CCDC14: variants seen among roughly 807,000 people sequenced by gnomAD.
CCDC14 encodes the protein coiled-coil domain containing 14.
In CCDC14, 71 loss-of-function variants were observed where a neutral mutation model predicts 81.4. The observed-to-expected ratio is 0.87, with a 90% CI of 0.72 to 1.06. CCDC14 has a LOEUF of 1.06. Ranked by LOEUF, CCDC14 falls within the 50% of genes least tolerant of loss-of-function variation. The pLI, the probability that CCDC14 is intolerant of heterozygous loss-of-function variation, is 0.00. For missense variants in CCDC14, 1,046 were observed against 1,047.3 expected (o/e 1.00, Z 0.02); for synonymous variants, 332 against 364.8 (o/e 0.91, Z 1.03).
At chr3:123,956,229 A>G (rs1156270707) in intron 3 of CCDC14, 114 bp from the exon 4 acceptor site, 1 of 1,278,562 alleles carries the variant, frequency 7.8e-7, no homozygotes, top group Non-Finnish European at 1.1e-6. Context: ...TTGGTAGAAA[A>G]GATGTTTTAA....
chr3:123,933,160 C>T lies in CCDC14; in HGVS notation c.1426+513G>A, dbSNP rs1042898687. Among the ~76,000 whole-genome samples, 5 of 151,836 alleles carry T rather than the reference C, an allele frequency of 3.3e-5. No individual in the cohort carries two copies. In the East Asian group the frequency reaches 9.6e-4, roughly 29 times the overall value. ...TGACATATATGCACAAAGACATATA[C>T]AAAGATTTTCACTGCAATGTTGTTT... is the stretch of plus-strand genomic sequence containing the variant. On this transcript the variant is annotated intron_variant, in intron 10 of 12. Transcript: ENST00000409697.
chr3:123,915,818 G>T, intron 12 of CCDC14, 100 bp from the exon 13 acceptor site: 1 of 898,268 alleles, frequency 1.1e-6, no homozygotes, highest in Non-Finnish European at 1.6e-6. Flanking sequence ...TGAGAGAAGT[G>T]TCTGGTTCTT....
rs918429593 is a variant in CCDC14 at position 123,913,757 on chromosome 3, C to A, written c.*1022G>T. ...AACACTCTTTAATGATAAAGCCTGT[C>A]CAAGTACTAAGGACAATTAGAGTAG... On this transcript the variant is annotated 3_prime_UTR_variant, in exon 13 of 13. Transcript: ENST00000409697. 2.5e-5 allele frequency: 25 copies of A among 984,362 alleles called. No individual in the cohort carries two copies. The highest frequency in any genetic ancestry group is 2.9e-5 in the Non-Finnish European group (24 of 829,766). 61.0% of individuals were successfully genotyped at this position (984,362 alleles called of 1,614,324 possible).
downstream of CCDC14, among the ~76,000 whole-genome samples, chr3:123,895,442 A>G (rs1169412644): frequency 6.6e-6 from 1 of 152,222 alleles, no homozygotes; most frequent in Non-Finnish European, 1.5e-5. Context: ...ATCTATCCAG[A>G]TCAGCATTGG....
At chr3:123,927,955 G>A (rs561401498) in intron 12 of CCDC14, among the ~76,000 whole-genome samples, 2 of 152,268 alleles carry the variant, frequency 1.3e-5, no homozygotes, top group South Asian at 4.1e-4. Context: ...GAGAAAAGCT[G>A]TCCTCTTTAA....
intron 5 of CCDC14, among the ~76,000 whole-genome samples, chr3:123,904,617 A>G (rs2034261413): frequency 1.7e-5 from 1 of 60,320 alleles, no homozygotes; most frequent in Admixed American, 2.3e-4. Flanking sequence ...CATTGTGGAA[A>G]AAAAGAAAAA....
chr3:123,906,431 A>G (rs2034313108), intron 5 of CCDC14, among the ~76,000 whole-genome samples: 2 of 109,540 alleles, frequency 1.8e-5, no homozygotes, highest in African/African-American at 1.2e-4. Context: ...CAAAGAAATG[A>G]AAAAAAAAAG....
the CCDC14 span, among the ~76,000 whole-genome samples, chr3:123,885,970 G>T: frequency 6.6e-6 from 1 of 152,014 alleles, no homozygotes; most frequent in African/African-American, 2.4e-5. Context: ...TCAAGTTAAG[G>T]AATTGATTCT....
At chr3:123,954,265 T>G (rs748454411) in intron 5 of CCDC14, 1 of 152,168 alleles carries the variant, frequency 6.6e-6, no homozygotes, top group Non-Finnish European at 1.5e-5. Context: ...TCTTCAAAGG[T>G]CAAATAAATA....
At chr3:123,911,298 G>C (rs767859955), downstream of CCDC14, among the ~76,000 whole-genome samples, 4 of 152,168 alleles carry the variant, frequency 2.6e-5, no homozygotes, top group African/African-American at 4.8e-5. Flanking sequence ...TCTACAAGTG[G>C]TAATATTAAT....
At chr3:123,925,850 T>G (rs759266795) in intron 12 of CCDC14, among the ~76,000 whole-genome samples, 1 of 152,246 alleles carries the variant, frequency 6.6e-6, no homozygotes, top group Non-Finnish European at 1.5e-5. Context: ...GATTTAGTTA[T>G]TTCACCTTGT....
intron 1 of CCDC14, 155 bp from the exon 2 acceptor site, chr3:123,956,950 C>T: frequency 2.0e-6 from 1 of 490,482 alleles, no homozygotes. Context: ...ATCCCCTCTT[C>T]TCCCTGACCC....
chr3:123,935,491 T>C (rs1432111129), intron 9 of CCDC14, among the ~76,000 whole-genome samples: 1 of 152,198 alleles, frequency 6.6e-6, no homozygotes, highest in Non-Finnish European at 1.5e-5. Flanking sequence ...ACAGCAATTA[T>C]TTAATAGTGC....
At chr3:123,890,897 A>G in the CCDC14 span, among the ~76,000 whole-genome samples, 1 of 152,152 alleles carries the variant, frequency 6.6e-6, no homozygotes, top group Non-Finnish European at 1.5e-5. Flanking sequence ...GAGGTTCTCC[A>G]TGACTTCCCT....
intron 9 of CCDC14, among the ~76,000 whole-genome samples, chr3:123,942,683 G>GCACATTC (rs1436976118): frequency 5.9e-5 from 9 of 151,976 alleles, no homozygotes; most frequent in Non-Finnish European, 8.8e-5. Flanking sequence ...CTCTCTCAGG[G>GCACATTC]CACATTCGCA....
At chr3:123,909,011 A>C (rs531084494), downstream of CCDC14, among the ~76,000 whole-genome samples, 1 of 152,156 alleles carries the variant, frequency 6.6e-6, no homozygotes, top group Non-Finnish European at 1.5e-5. Context: ...CTAGGTTTGA[A>C]AATTATTTTT....
chr3:123,946,132 A>ATTT (rs200227842), intron 8 of CCDC14, among the ~76,000 whole-genome samples: 1 of 145,394 alleles, frequency 6.9e-6, no homozygotes, highest in Admixed American at 6.9e-5. Flanking sequence ...GCATTTTAAG[A>ATTT]TTTTTTTTTT....
downstream of CCDC14, among the ~76,000 whole-genome samples, chr3:123,893,953 TA>T (rs1342904772): frequency 6.6e-6 from 1 of 152,228 alleles, no homozygotes; most frequent in African/African-American, 2.4e-5. Context: ...AATCCTTTTC[TA>T]GATATATGAT....
At chr3:123,911,497 A>C (rs905256991), downstream of CCDC14, among the ~76,000 whole-genome samples, 3 of 152,196 alleles carry the variant, frequency 2.0e-5, no homozygotes, top group African/African-American at 7.2e-5. Flanking sequence ...TGGACCCTTA[A>C]ACATTATTTT....
Sources: allele counts gnomAD v4.1 joint callset (sites outside exome capture counted in the v4.1 genomes callset), GRCh38; gene constraint gnomAD v4.1.1; transcripts MANE v1.5; gene names NCBI Gene and HGNC (gene_info 2026-07-23, HGNC 2026-07-21).